The following SPAG16 variants were observed in gnomAD, a reference collection of about 807,000 sequenced individuals.
The protein encoded by SPAG16 is sperm associated antigen 16.
In SPAG16, 86 loss-of-function variants were observed where a neutral mutation model predicts 80.4. The ratio of observed to expected loss-of-function variants is 1.07; its 90% CI spans 0.90 to 1.28. SPAG16 has a LOEUF of 1.28. Among genes scored for constraint, SPAG16 ranks in the 50% most tolerant of loss-of-function variants. The probability of loss-of-function intolerance (pLI) is 0.00; values close to 1 mark genes in which losing one functional copy is unlikely to be tolerated. For synonymous variants in SPAG16, 294 were observed against 265.9 expected, an observed-to-expected ratio of 1.11 and a Z score of -1.03; for missense variants, 870 against 765.3, an observed-to-expected ratio of 1.14 and a Z score of -1.61.
At chr2:214,081,449 A>G (rs539062379) in intron 13 of SPAG16, among the ~76,000 whole-genome samples, 1 of 152,348 alleles carries the variant, frequency 6.6e-6, no homozygotes, top group African/African-American at 2.4e-5. Flanking sequence ...CCCTAATTCA[A>G]TATGACTGAT....
chr2:213,735,577 A>G (rs1434333714), intron 10 of SPAG16, among the ~76,000 whole-genome samples: 1 of 152,174 alleles, frequency 6.6e-6, no homozygotes, highest in African/African-American at 2.4e-5. Context: ...AAGACAAGAT[A>G]AGGGAAAATT....
intron 13 of SPAG16, among the ~76,000 whole-genome samples, chr2:214,037,071 T>C (rs1464599923): frequency 6.6e-6 from 1 of 152,022 alleles, no homozygotes; most frequent in Admixed American, 6.5e-5. Flanking sequence ...TCTTTATATA[T>C]TCATGTATTT....
chr2:214,296,608 T>C (rs1362018319), intron 15 of SPAG16, among the ~76,000 whole-genome samples: 1 of 152,220 alleles, frequency 6.6e-6, no homozygotes, highest in Non-Finnish European at 1.5e-5. Flanking sequence ...GTTATCTTAT[T>C]GTGGTTTTAA....
intron 13 of SPAG16, among the ~76,000 whole-genome samples, chr2:214,068,064 G>T (rs571849164): frequency 6.6e-6 from 1 of 152,200 alleles, no homozygotes; most frequent in East Asian, 1.9e-4. Context: ...GTTGTATAAG[G>T]ATGGAACACA....
intron 10 of SPAG16, among the ~76,000 whole-genome samples, chr2:213,515,618 G>A (rs1049003709): frequency 6.6e-6 from 1 of 152,072 alleles, no homozygotes; most frequent in Non-Finnish European, 1.5e-5. Flanking sequence ...ACTTATGCCT[G>A]GGGGAAAAAT....
intron 15 of SPAG16, among the ~76,000 whole-genome samples, chr2:214,331,049 A>T (rs2126011676): frequency 6.6e-6 from 1 of 152,230 alleles, no homozygotes; most frequent in South Asian, 2.1e-4. Context: ...CTTAACTTTC[A>T]TTCTGTATTT....
At chr2:213,291,971 A>G (rs948852404) in intron 1 of SPAG16, among the ~76,000 whole-genome samples, 1 of 152,130 alleles carries the variant, frequency 6.6e-6, no homozygotes, top group Non-Finnish European at 1.5e-5. Flanking sequence ...ATCTTTTTTG[A>G]TTGTGGGAAA....
chr2:213,801,893 T>C (rs1000503192), intron 10 of SPAG16, among the ~76,000 whole-genome samples: 1 of 152,224 alleles, frequency 6.6e-6, no homozygotes, highest in African/African-American at 2.4e-5. Context: ...AGTTTGAGTT[T>C]GCTCTATTCA....
At position 213,320,313 on chromosome 2, in the gene SPAG16, A is replaced by G. The variant is rs150528869; in HGVS notation, c.536+2957A>G. On this transcript the variant is annotated intron_variant, in intron 5 of 15. Transcript: ENST00000331683. ...ACATTTGTACATATGATAATTGTAC[A>G]TGTGTTATTTTGATTACATACATAC... Among the ~76,000 whole-genome samples the G allele has an allele frequency of 1.1e-3, 169 of 152,166 alleles. 2 individuals carry two copies. Among genetic ancestry groups the G allele is most frequent in the African/African-American group, 3.6e-3 (151 of 41,572 alleles).
chr2:213,802,134 G>A (rs1327666302), intron 10 of SPAG16, among the ~76,000 whole-genome samples: 1 of 152,116 alleles, frequency 6.6e-6, no homozygotes, highest in Non-Finnish European at 1.5e-5. Flanking sequence ...TTGTTTTTAA[G>A]TTACTTGAGA....
At chr2:213,476,823 T>C (rs2073427095) in intron 9 of SPAG16, among the ~76,000 whole-genome samples, 1 of 139,050 alleles carries the variant, frequency 7.2e-6, no homozygotes, top group Non-Finnish European at 1.7e-5. Context: ...CACAGCTTGG[T>C]GAGCAGGAGT....
intron 11 of SPAG16, among the ~76,000 whole-genome samples, chr2:213,884,495 G>A (rs1339029056): frequency 2.6e-5 from 4 of 152,054 alleles, no homozygotes; most frequent in Non-Finnish European, 5.9e-5. Flanking sequence ...GTCTTGTGTA[G>A]TATCTACGCT....
At chr2:213,664,248 T>C (rs1304840219) in intron 10 of SPAG16, among the ~76,000 whole-genome samples, 2 of 152,060 alleles carry the variant, frequency 1.3e-5, no homozygotes, top group Non-Finnish European at 2.9e-5. Context: ...GGATTTATCT[T>C]CCCGTCTTGA....
chr2:213,967,766 T>C (rs996445777), intron 12 of SPAG16, among the ~76,000 whole-genome samples: 4 of 152,328 alleles, frequency 2.6e-5, no homozygotes, highest in African/African-American at 7.2e-5. Context: ...TGTAGGAGTA[T>C]AGTAGTTTAT....
intron 15 of SPAG16, among the ~76,000 whole-genome samples, chr2:214,247,883 C>T (rs949881143): frequency 1.3e-5 from 2 of 151,924 alleles, no homozygotes; most frequent in Admixed American, 1.3e-4. Flanking sequence ...AATAAATTAG[C>T]GGGGCACGGT....
At chr2:213,592,375 TTAAA>T (rs1262260642) in intron 10 of SPAG16, among the ~76,000 whole-genome samples, 3 of 152,152 alleles carry the variant, frequency 2.0e-5, no homozygotes, top group Admixed American at 6.5e-5. Flanking sequence ...TTAGGAAAAA[TTAAA>T]TAAAGGGTTT....
Position 214,112,258 on chromosome 2 carries a change from G to A in SPAG16, c.1593+3997G>A, listed in dbSNP as rs535794133. On this transcript the variant is annotated intron_variant, in intron 14 of 15. Coordinates refer to ENST00000331683, the MANE Select transcript of SPAG16 (RefSeq NM_024532.5). ...ATGTGGTCCATTTTAGAATAAGTGC[G>A]ATGTGGTGCTGAGAGGAATGTATAT... Among the ~76,000 whole-genome samples the A allele has an allele frequency of 1.3e-4, 20 of 152,248 alleles. No individual in the cohort carries two copies. In the East Asian group the frequency reaches 1.5e-3, roughly 12 times the overall value.
intron 13 of SPAG16, among the ~76,000 whole-genome samples, chr2:214,045,611 A>G (rs1167019207): frequency 6.6e-6 from 1 of 152,184 alleles, no homozygotes; most frequent in Non-Finnish European, 1.5e-5. Flanking sequence ...GGAATGATCA[A>G]TGAGTTAATG....
intron 10 of SPAG16, among the ~76,000 whole-genome samples, chr2:213,669,826 C>T (rs1361031092): frequency 6.6e-6 from 1 of 152,128 alleles, no homozygotes; most frequent in Non-Finnish European, 1.5e-5. Context: ...CGTAAATTCT[C>T]ACCTCCTGCA....
Sources: gnomAD v4.1 joint callset for allele counts (sites outside exome capture counted in the v4.1 genomes callset) on GRCh38, gnomAD v4.1.1 for gene constraint, MANE v1.5 for transcripts, NCBI Gene and HGNC (gene_info 2026-07-23, HGNC 2026-07-21) for gene names.